RPRD1A: variants seen among roughly 807,000 people sequenced by gnomAD.
RPRD1A encodes regulation of nuclear pre-mRNA domain containing 1A, also known as regulation of nuclear pre-mRNA domain-containing protein 1A.
Under a neutral mutation model 37.8 loss-of-function variants are expected in RPRD1A, and 9 were observed. That is an observed-to-expected ratio of 0.24 (90% CI 0.14 to 0.42). RPRD1A has a LOEUF of 0.42. Ranked by LOEUF, RPRD1A falls within the 10% of genes least tolerant of loss-of-function variation. The pLI, the probability that RPRD1A is intolerant of heterozygous loss-of-function variation, is 1.00. For synonymous variants in RPRD1A, 138 were observed against 139.7 expected (o/e 0.99, Z 0.08); for missense variants, 255 against 371.0 (o/e 0.69, Z 2.57).
chr18:36,063,083 G>A (rs977427692), intron 1 of RPRD1A: 2 of 152,158 alleles, frequency 1.3e-5, no homozygotes, highest in African/African-American at 2.4e-5. Context: ...TTTCTTTAAA[G>A]GAGACAAAGA....
intron 4 of RPRD1A, chr18:36,028,282 G>A (rs1336021466): frequency 6.6e-6 from 1 of 151,686 alleles, no homozygotes; most frequent in African/African-American, 2.4e-5. Flanking sequence ...ATCAAATGTG[G>A]TAGGAATGAA....
At chr18:36,032,247 A>T (rs1438788063) in intron 2 of RPRD1A, among the ~76,000 whole-genome samples, 1 of 140,168 alleles carries the variant, frequency 7.1e-6, no homozygotes, top group South Asian at 2.2e-4. Flanking sequence ...TGTAGGCTCC[A>T]GTAGAACAAA....
In RPRD1A at chr18:36,027,325, A is replaced by G. The variant is rs1049234935; in HGVS notation, c.487-15T>C. The G allele has an allele frequency of 6.2e-7, 1 of 1,612,912 alleles. No individual in the cohort carries two copies. The highest frequency in any genetic ancestry group is 1.3e-5 in the African/African-American group (1 of 74,996). On this transcript the variant is annotated splice_polypyrimidine_tract_variant and intron_variant, in intron 4 of 6. Coordinates refer to ENST00000399022, the MANE Select transcript of RPRD1A (RefSeq NM_018170.5). Reference sequence around the variant, plus strand: ...AGATCTAGAGTCTAAAAAGTACACAACTTCAGAACCAAAATAAATTGAGCT... The same window carrying G: ...AGATCTAGAGTCTAAAAAGTACACAGCTTCAGAACCAAAATAAATTGAGCT...
intron 6 of RPRD1A, among the ~76,000 whole-genome samples, chr18:36,008,008 C>CT (rs1909858048): frequency 6.6e-6 from 1 of 151,834 alleles, no homozygotes; most frequent in Non-Finnish European, 1.5e-5. Flanking sequence ...AGCCAGGAGG[C>CT]TGAGACACAA....
At chr18:36,049,655 T>C (rs1913228704) in intron 1 of RPRD1A, among the ~76,000 whole-genome samples, 1 of 152,234 alleles carries the variant, frequency 6.6e-6, no homozygotes, top group Non-Finnish European at 1.5e-5. Context: ...CCTTTCTTTT[T>C]AAGGCTGAAT....
intron 6 of RPRD1A, 98 bp downstream of exon 6, chr18:36,026,801 TA>T: frequency 1.7e-6 from 2 of 1,178,948 alleles, no homozygotes; most frequent in Non-Finnish European, 1.2e-6. Flanking sequence ...AGGTCTATGT[TA>T]AAAAATGCAA....
chr18:36,007,631 A>C (rs1024961413), intron 6 of RPRD1A, among the ~76,000 whole-genome samples: 1 of 152,156 alleles, frequency 6.6e-6, no homozygotes, highest in African/African-American at 2.4e-5. Flanking sequence ...CATAATTTCC[A>C]GATCGATCTA....
chr18:36,048,022 C>G (rs1368886060), intron 1 of RPRD1A, among the ~76,000 whole-genome samples: 2 of 150,430 alleles, frequency 1.3e-5, no homozygotes, highest in Non-Finnish European at 3.0e-5. Context: ...AAAAGGAAAA[C>G]TATAGACCAA....
At chr18:36,011,031 T>TC (rs1469432519) in intron 6 of RPRD1A, among the ~76,000 whole-genome samples, 2 of 152,106 alleles carry the variant, frequency 1.3e-5, no homozygotes, top group Non-Finnish European at 2.9e-5. Context: ...CTCAAGAATA[T>TC]CCCCATAAAA....
intron 1 of RPRD1A, among the ~76,000 whole-genome samples, chr18:36,042,920 C>G (rs776941371): frequency 6.6e-6 from 1 of 152,114 alleles, no homozygotes; most frequent in Non-Finnish European, 1.5e-5. Context: ...ACCTTCTTCA[C>G]CTTGCAAATT....
chr18:36,012,271 G>C (rs1277352051), intron 6 of RPRD1A, among the ~76,000 whole-genome samples: 1 of 152,104 alleles, frequency 6.6e-6, no homozygotes, highest in Non-Finnish European at 1.5e-5. Context: ...CATGCTACCA[G>C]TTGTATAAAA....
chr18:36,061,513 G>C (rs150590245), intron 1 of RPRD1A, among the ~76,000 whole-genome samples: 3 of 152,300 alleles, frequency 2.0e-5, no homozygotes, highest in African/African-American at 2.4e-5. Context: ...ATCTTTCAGC[G>C]AGTGTGTGTA....
At chr18:36,058,840 G>A (rs1913972811) in intron 1 of RPRD1A, among the ~76,000 whole-genome samples, 2 of 152,104 alleles carry the variant, frequency 1.3e-5, no homozygotes, top group Non-Finnish European at 2.9e-5. Context: ...TCTCTCACAA[G>A]CGTACAGTGT....
chr18:36,009,718 T>C (rs1910052617), intron 6 of RPRD1A, among the ~76,000 whole-genome samples: 1 of 152,250 alleles, frequency 6.6e-6, no homozygotes, highest in African/African-American at 2.4e-5. Context: ...ACAATGGAAA[T>C]GTTCTTTATC....
chr18:35,999,631 C>T (rs1909296479), intron 6 of RPRD1A, among the ~76,000 whole-genome samples: 1 of 151,460 alleles, frequency 6.6e-6, no homozygotes, highest in African/African-American at 2.4e-5. Context: ...ATCTTTCCTA[C>T]ATAATTGTGA....
intron 1 of RPRD1A, among the ~76,000 whole-genome samples, chr18:36,049,103 T>C (rs1001387993): frequency 5.9e-5 from 9 of 152,268 alleles, no homozygotes; most frequent in Middle Eastern, 3.4e-3. Flanking sequence ...GGTTCCACCA[T>C]GTTGGCTAGG....
intron 6 of RPRD1A, among the ~76,000 whole-genome samples, chr18:36,021,646 C>T (rs534256594): frequency 6.6e-6 from 1 of 152,290 alleles, no homozygotes; most frequent in East Asian, 1.9e-4. Context: ...AAAGTTAGGC[C>T]ACTTGCACCA....
At chr18:36,058,980 A>T (rs1913983856) in intron 1 of RPRD1A, among the ~76,000 whole-genome samples, 1 of 152,138 alleles carries the variant, frequency 6.6e-6, no homozygotes, top group Non-Finnish European at 1.5e-5. Context: ...TTTCCCTGGT[A>T]TTTTTTAGCA....
rs944651456 is a variant in RPRD1A, at chr18:36,005,899, AT to A, written c.790-12600del. 7.9e-5 allele frequency among the ~76,000 whole-genome samples: 12 copies of A among 151,798 alleles called. No homozygotes were observed. In the East Asian group the frequency reaches 1.7e-3, roughly 22 times the overall value. ...TTTACGATGACATTTTTAATCTATG[AT>A]TTTTTTTAAAGACTAAAGGAAATAC... On this transcript the variant is annotated intron_variant, in intron 6 of 6. Coordinates refer to ENST00000399022, the MANE Select transcript of RPRD1A (RefSeq NM_018170.5).
Sources: gnomAD v4.1 joint callset for allele counts (sites outside exome capture counted in the v4.1 genomes callset) on GRCh38, gnomAD v4.1.1 for gene constraint, MANE v1.5 for transcripts, NCBI Gene and HGNC (gene_info 2026-07-23, HGNC 2026-07-21) for gene names.